The following PTPRN2 variants were observed in gnomAD, a reference collection of about 807,000 sequenced individuals.
PTPRN2 encodes the protein protein tyrosine phosphatase receptor type N2, also known as receptor-type tyrosine-protein phosphatase N2.
A neutral mutation model predicts 118.8 loss-of-function variants in PTPRN2; 74 were observed. The ratio of observed to expected loss-of-function variants is 0.62; its 90% CI spans 0.52 to 0.76. PTPRN2 has a LOEUF of 0.76. PTPRN2 is among the 30% of genes least tolerant of loss of function. The pLI is 0.00. For synonymous variants in PTPRN2, 641 were observed against 608.0 expected (o/e 1.05, Z -0.80); for missense variants, 1,481 against 1,394.4 (o/e 1.06, Z -0.99).
intron 16 of PTPRN2, among the ~76,000 whole-genome samples, chr7:157,599,013 CT>C (rs535002797): frequency 1.9e-3 from 279 of 145,334 alleles, no homozygotes; most frequent in Admixed American, 1.9e-3. Context: ...TCTGTTTTTA[CT>C]TTTTTTTTTT....
chr7:157,885,332 G>A (rs1042567468), intron 12 of PTPRN2, among the ~76,000 whole-genome samples: 6 of 152,198 alleles, frequency 3.9e-5, no homozygotes, highest in Non-Finnish European at 7.4e-5. Flanking sequence ...ACAGTGCCCA[G>A]GTGGGCCTGG....
intron 21 of PTPRN2, among the ~76,000 whole-genome samples, chr7:157,563,674 C>A (rs1473101834): frequency 7.2e-6 from 1 of 139,636 alleles, no homozygotes; most frequent in Non-Finnish European, 1.5e-5. Flanking sequence ...TCCCGCATCA[C>A]CACAGACAGC....
rs751706924 is a variant in PTPRN2 at position 157,729,547 on chromosome 7, T to G, written c.1789-46610A>C. On this transcript the variant is annotated intron_variant, in intron 12 of 22. Transcript: ENST00000389418. This position sits in a 1 kb window ranked among gnomAD's most constrained non-coding sequence, Gnocchi z 4.3. ...GGTGCTGTCCGAGTGGAGCCTCTGG[T>G]GAGCCGGACACCATCAAACAACATC... 1.3e-5 allele frequency among the ~76,000 whole-genome samples: 2 copies of G among 152,178 alleles called. No homozygotes were observed. The highest frequency in any genetic ancestry group is 2.9e-5 in the Non-Finnish European group (2 of 68,026).
At chr7:157,767,921 C>T (rs539323283) in intron 12 of PTPRN2, among the ~76,000 whole-genome samples, 16 of 152,308 alleles carry the variant, frequency 1.1e-4, no homozygotes, top group East Asian at 3.9e-4. Context: ...CAAGAAAGCC[C>T]GCTTGAGGGA....
chr7:158,016,849 A>C (rs1806498244), intron 11 of PTPRN2, among the ~76,000 whole-genome samples: 1 of 152,190 alleles, frequency 6.6e-6, no homozygotes, highest in African/African-American at 2.4e-5. Flanking sequence ...TGAAACTGTT[A>C]ATTGCATTTT....
intron 11 of PTPRN2, among the ~76,000 whole-genome samples, chr7:158,040,732 C>CT (rs1563353047): frequency 3.5e-5 from 5 of 141,832 alleles, no homozygotes; most frequent in Admixed American, 7.0e-5. Context: ...TTCTTTTTTT[C>CT]TTTCTTTTTT....
At chr7:157,616,075 C>T in intron 15 of PTPRN2, 1 of 174,210 alleles carries the variant, frequency 5.7e-6, no homozygotes, top group Non-Finnish European at 1.2e-5. Flanking sequence ...GCTGCTGCCA[C>T]CCCGAAGGCC....
chr7:157,950,269 C>T (rs567821537), intron 11 of PTPRN2, among the ~76,000 whole-genome samples: 95 of 152,288 alleles, frequency 6.2e-4, no homozygotes, highest in African/African-American at 2.0e-3. Flanking sequence ...ACCTAGCAAA[C>T]GCCTGGTGGG....
intron 12 of PTPRN2, among the ~76,000 whole-genome samples, chr7:157,792,599 G>A (rs981445690): frequency 2.6e-5 from 4 of 152,234 alleles, no homozygotes; most frequent in African/African-American, 9.6e-5. Context: ...AAGCAACTCA[G>A]TAGGACCTTG....
chr7:158,312,292 A>G (rs943762108), intron 3 of PTPRN2, among the ~76,000 whole-genome samples: 1 of 43,592 alleles, frequency 2.3e-5, no homozygotes, highest in East Asian at 5.5e-4. Context: ...GCACACATGC[A>G]CACACATGTG....
At chr7:158,016,189 A>AT (rs1368848357) in intron 11 of PTPRN2, among the ~76,000 whole-genome samples, 1 of 152,208 alleles carries the variant, frequency 6.6e-6, no homozygotes, top group African/African-American at 2.4e-5. Context: ...CGAGTCTCTC[A>AT]TACAAGGGAG....
chr7:158,141,248 GT>G (rs1819359441), intron 6 of PTPRN2, among the ~76,000 whole-genome samples: 1 of 152,350 alleles, frequency 6.6e-6, no homozygotes, highest in East Asian at 1.9e-4. Flanking sequence ...GGCATTTTAG[GT>G]TTTTTGTCTG....
chr7:158,151,106 CTG>C (rs1821021536), intron 6 of PTPRN2, among the ~76,000 whole-genome samples: 1 of 10,514 alleles, frequency 9.5e-5, no homozygotes, highest in African/African-American at 3.0e-4. Flanking sequence ...GCCCGCCTTT[CTG>C]CTCCTACCCC....
intron 17 of PTPRN2, among the ~76,000 whole-genome samples, chr7:157,588,656 C>T (rs183371643): frequency 5.3e-5 from 8 of 152,340 alleles, no homozygotes; most frequent in East Asian, 1.9e-4. Flanking sequence ...ACATATTCTG[C>T]GCCTTGAGAC....
chr7:157,629,059 C>T lies in PTPRN2; in HGVS notation c.2197-7550G>A, dbSNP rs1039856341. ...GCATCTGATGCAGGACCCGCTCACA[C>T]GAAACATGCTCGCCTTCCTGTTGGC... On this transcript the variant is annotated intron_variant, in intron 14 of 22. Coordinates refer to ENST00000389418, the MANE Select transcript of PTPRN2 (RefSeq NM_002847.5). This position sits in a 1 kb window ranked among gnomAD's most constrained non-coding sequence, Gnocchi z 4.4. Among the ~76,000 whole-genome samples, 15 of 152,136 alleles carry T rather than the reference C, an allele frequency of 9.9e-5. No individual in the cohort carries two copies. Among genetic ancestry groups the T allele is most frequent in the African/African-American group, 3.4e-4 (14 of 41,424 alleles).
chr7:157,639,336 ATCTT>A (rs900277114), intron 14 of PTPRN2, among the ~76,000 whole-genome samples: 15 of 152,234 alleles, frequency 9.9e-5, no homozygotes, highest in African/African-American at 2.9e-4. Flanking sequence ...GTGCCCAGCT[ATCTT>A]TCTTTATTAG....
At chr7:157,569,766 G>A (rs557889702) in intron 20 of PTPRN2, among the ~76,000 whole-genome samples, 1 of 152,356 alleles carries the variant, frequency 6.6e-6, no homozygotes, top group South Asian at 2.1e-4. Flanking sequence ...ATGAGTTTGA[G>A]AGACCTTCTT....
rs111727894 is a variant in PTPRN2, at chr7:158,137,339, C to T, written c.1133-644G>A. ...GGCTGAGGCATGAGAATCACTTGAA[C>T]CCGGCAGGCAAAGTTTGCAGTGAGC... On this transcript the variant is annotated intron_variant, in intron 7 of 22. Transcript: ENST00000389418. Among the ~76,000 whole-genome samples the T allele has an allele frequency of 2.1e-3, 322 of 152,292 alleles. 1 individual carries two copies. The highest frequency in any genetic ancestry group is 7.0e-3 in the African/African-American group (293 of 41,566).
intron 11 of PTPRN2, among the ~76,000 whole-genome samples, chr7:157,930,567 A>G (rs1799295907): frequency 6.6e-6 from 1 of 152,236 alleles, no homozygotes; most frequent in Admixed American, 6.5e-5. Flanking sequence ...CCCTGCCTGG[A>G]GCACCGGAGG....
Sources: gnomAD v4.1 joint callset for allele counts (sites outside exome capture counted in the v4.1 genomes callset) on GRCh38, gnomAD v4.1.1 for gene constraint, Gnocchi (gnomAD v3.1) non-coding constraint, MANE v1.5 for transcripts, NCBI Gene and HGNC (gene_info 2026-07-23, HGNC 2026-07-21) for gene names.